Variants in ZNF385D observed in about 807,000 individuals in gnomAD.
ZNF385D encodes zinc finger protein 659.
Under a neutral mutation model 35.8 loss-of-function variants are expected in ZNF385D, and 15 were observed. The ratio of observed to expected loss-of-function variants is 0.42; its 90% CI spans 0.28 to 0.64. The LOEUF is 0.64. ZNF385D is among the 30% of genes least tolerant of loss of function. The pLI, the probability that ZNF385D is intolerant of heterozygous loss-of-function variation, is 0.23. For missense variants in ZNF385D, 474 were observed against 494.6 expected (o/e 0.96, Z 0.39); for synonymous variants, 212 against 186.8 (o/e 1.13, Z -1.10).
At chr3:22,146,079 T>C (rs1655562444) in intron 3 of ZNF385D, among the ~76,000 whole-genome samples, 1 of 152,082 alleles carries the variant, frequency 6.6e-6, no homozygotes, top group African/African-American at 2.4e-5. Context: ...AAGCAAGCTG[T>C]GAACTGCATC....
intron 3 of ZNF385D, among the ~76,000 whole-genome samples, chr3:21,756,496 G>C (rs150024471): frequency 3.9e-5 from 6 of 151,976 alleles, no homozygotes; most frequent in Non-Finnish European, 8.8e-5. Context: ...GGCTATATGG[G>C]TCTGGAGCTC....
chr3:21,587,360 CA>C, intron 2 of ZNF385D, among the ~76,000 whole-genome samples: 1 of 152,198 alleles, frequency 6.6e-6, no homozygotes, highest in South Asian at 2.1e-4. Context: ...CAGCCTGTAG[CA>C]ACTGGAAGAC....
intron 3 of ZNF385D, among the ~76,000 whole-genome samples, chr3:21,960,469 C>A (rs548618555): frequency 6.6e-6 from 1 of 151,988 alleles, no homozygotes; most frequent in Non-Finnish European, 1.5e-5. Flanking sequence ...AAAAACGGAT[C>A]CCTTGTACAC....
chr3:21,917,189 T>G (rs1385594583), intron 3 of ZNF385D, among the ~76,000 whole-genome samples: 2 of 152,140 alleles, frequency 1.3e-5, no homozygotes, highest in African/African-American at 4.8e-5. Flanking sequence ...CCCACCACTT[T>G]GGGAGGCCGA....
intron 3 of ZNF385D, among the ~76,000 whole-genome samples, chr3:21,946,248 T>A (rs528022165): frequency 6.6e-6 from 1 of 152,270 alleles, no homozygotes; most frequent in African/African-American, 2.4e-5. Context: ...ATGAGACAAT[T>A]ACAGAAAGTA....
At chr3:22,104,932 T>C (rs1458551154) in intron 3 of ZNF385D, among the ~76,000 whole-genome samples, 1 of 152,186 alleles carries the variant, frequency 6.6e-6, no homozygotes, top group Non-Finnish European at 1.5e-5. Flanking sequence ...GGTCAATGTT[T>C]TACTGAAGCT....
At chr3:21,474,117 A>ATAT (rs1704081020) in intron 4 of ZNF385D, among the ~76,000 whole-genome samples, 1 of 17,928 alleles carries the variant, frequency 5.6e-5, no homozygotes, top group Non-Finnish European at 8.6e-5. Flanking sequence ...CGTGGAACAA[A>ATAT]TTTTTTTTTA....
At chr3:21,759,059 C>A (rs780510067) in intron 3 of ZNF385D, among the ~76,000 whole-genome samples, 1 of 143,450 alleles carries the variant, frequency 7.0e-6, no homozygotes, top group Non-Finnish European at 1.5e-5. Context: ...AAGTTACTTA[C>A]CTCCCTGTTT....
chr3:21,673,875 T>C (rs1208652702), intron 1 of ZNF385D, among the ~76,000 whole-genome samples: 6 of 152,086 alleles, frequency 3.9e-5, no homozygotes, highest in African/African-American at 1.4e-4. Flanking sequence ...TGTGTCAAAA[T>C]CTAGTCTCAT....
At chr3:21,911,820 A>C (rs1699977745) in intron 3 of ZNF385D, among the ~76,000 whole-genome samples, 1 of 152,000 alleles carries the variant, frequency 6.6e-6, no homozygotes, top group Non-Finnish European at 1.5e-5. Flanking sequence ...CAAGATTTTT[A>C]GACAAGTGGT....
At chr3:22,225,831 C>A (rs1698521093) in intron 2 of ZNF385D, among the ~76,000 whole-genome samples, 2 of 152,282 alleles carry the variant, frequency 1.3e-5, no homozygotes, top group Admixed American at 6.5e-5. Flanking sequence ...TAGATTTATA[C>A]AAATGTGATC....
intron 3 of ZNF385D, among the ~76,000 whole-genome samples, chr3:22,090,594 C>A (rs145011920): frequency 1.3e-5 from 2 of 152,234 alleles, no homozygotes; most frequent in African/African-American, 4.8e-5. Flanking sequence ...AGTGTAGTCA[C>A]AGGACCGATA....
At chr3:21,705,122 A>G (rs956880852) in intron 1 of ZNF385D, among the ~76,000 whole-genome samples, 1 of 152,320 alleles carries the variant, frequency 6.6e-6, no homozygotes, top group Middle Eastern at 3.4e-3. Flanking sequence ...CCATGTTAAA[A>G]TCTATTCATT....
chr3:22,133,820 A>C (rs1703946073), intron 3 of ZNF385D: 1 of 151,942 alleles, frequency 6.6e-6, no homozygotes, highest in Non-Finnish European at 1.5e-5. Flanking sequence ...TTTTCTCCAC[A>C]AACAAAGCAT....
intron 4 of ZNF385D, among the ~76,000 whole-genome samples, chr3:21,492,619 C>A (rs1434030219): frequency 6.6e-6 from 1 of 151,526 alleles, no homozygotes; most frequent in Non-Finnish European, 1.5e-5. Flanking sequence ...CTCCTCTCCA[C>A]CAAAAACTAC....
At chr3:22,156,964 C>A (rs753136884) in intron 3 of ZNF385D, among the ~76,000 whole-genome samples, 1 of 152,096 alleles carries the variant, frequency 6.6e-6, no homozygotes, top group Admixed American at 6.6e-5. Context: ...CCACAGAGTT[C>A]GCCTATTTTA....
At chr3:22,209,097 T>TGTAA (rs1697347414) in intron 2 of ZNF385D, among the ~76,000 whole-genome samples, 1 of 151,914 alleles carries the variant, frequency 6.6e-6, no homozygotes, top group Non-Finnish European at 1.5e-5. Context: ...AAAGGCATTC[T>TGTAA]GCTCCTCCGA....
At chr3:22,115,155 C>A (rs1485661717) in intron 3 of ZNF385D, among the ~76,000 whole-genome samples, 3 of 152,156 alleles carry the variant, frequency 2.0e-5, no homozygotes, top group African/African-American at 2.4e-5. Context: ...TTCAAGCAGA[C>A]CATTACAGGG....
chr3:21,428,802 A>G (rs1044457371), intron 5 of ZNF385D, among the ~76,000 whole-genome samples: 2 of 151,836 alleles, frequency 1.3e-5, no homozygotes, highest in Admixed American at 6.6e-5. Flanking sequence ...TAAGTGGACT[A>G]TTTTTCTTTT....
Sources: gnomAD v4.1 joint callset for allele counts (sites outside exome capture counted in the v4.1 genomes callset) on GRCh38, gnomAD v4.1.1 for gene constraint, MANE v1.5 for transcripts, NCBI Gene and HGNC (gene_info 2026-07-23, HGNC 2026-07-21) for gene names.